The following CCDC63 variants were observed in gnomAD, a reference collection of about 807,000 sequenced individuals.
CCDC63 encodes coiled-coil domain-containing protein 63.
A neutral mutation model predicts 63.6 loss-of-function variants in CCDC63; 54 were observed. The ratio of observed to expected loss-of-function variants is 0.85; its 90% CI spans 0.68 to 1.07. The LOEUF (loss-of-function observed/expected upper bound fraction) is 1.07, where lower values mean the gene tolerates loss of function less well. Ranked by LOEUF, CCDC63 falls within the 50% of genes least tolerant of loss-of-function variation. The pLI, the probability that CCDC63 is intolerant of heterozygous loss-of-function variation, is 0.00. For missense variants in CCDC63, 637 were observed against 689.6 expected, an observed-to-expected ratio of 0.92 and a Z score of 0.86; for synonymous variants, 253 against 266.1, an observed-to-expected ratio of 0.95 and a Z score of 0.48.
At chr12:110,848,794 A>T (rs2136634252) in intron 1 of CCDC63, among the ~76,000 whole-genome samples, 1 of 152,324 alleles carries the variant, frequency 6.6e-6, no homozygotes, top group Non-Finnish European at 1.5e-5. Context: ...AAGGTCAGAT[A>T]TACCCAGTTC....
At chr12:110,899,363 G>C (rs563095666) in intron 10 of CCDC63, among the ~76,000 whole-genome samples, 1 of 152,272 alleles carries the variant, frequency 6.6e-6, no homozygotes, top group Non-Finnish European at 1.5e-5. Flanking sequence ...CTGTTGTCCA[G>C]GCTGGAGTGC....
At position 110,889,390 on chromosome 12, in the gene CCDC63, C is replaced by T. The variant is rs1285870360; in HGVS notation, c.1075-3686C>T. Among the ~76,000 whole-genome samples the T allele has an allele frequency of 2.6e-5, 4 of 152,132 alleles. No individual in the cohort carries two copies. The highest frequency in any genetic ancestry group is 1.9e-4 in the East Asian group (1 of 5,196). ...TGCAGTGTGGGTAAAAAGATGAAGT[C>T]GCACAGCGTAAGACGGGTTTTGGAG... On this transcript the variant is annotated intron_variant, in intron 8 of 11. Transcript: ENST00000308208. This position sits in a 1 kb window ranked among gnomAD's most constrained non-coding sequence, Gnocchi z 4.1.
chr12:110,893,324 G>A (rs549559622), intron 9 of CCDC63, among the ~76,000 whole-genome samples, 174 bp downstream of exon 9: 3 of 152,314 alleles, frequency 2.0e-5, no homozygotes, highest in East Asian at 1.9e-4. Flanking sequence ...ATGTCCTGAC[G>A]TTTTGTCCCG....
chr12:110,869,158 C>A (rs567192180), intron 4 of CCDC63, among the ~76,000 whole-genome samples: 5 of 152,294 alleles, frequency 3.3e-5, no homozygotes, highest in African/African-American at 9.6e-5. Flanking sequence ...TGCACGGGGC[C>A]CCTGATTCCC....
chr12:110,893,455 C>T (rs1446244958), intron 9 of CCDC63, among the ~76,000 whole-genome samples: 1 of 152,192 alleles, frequency 6.6e-6, no homozygotes, highest in Non-Finnish European at 1.5e-5. Flanking sequence ...CCCTGATGGG[C>T]TCCTTCCACA....
chr12:110,877,706 TTC>T (rs368089458), intron 5 of CCDC63, among the ~76,000 whole-genome samples: 27,041 of 145,136 alleles, frequency 0.19, 2,333 homozygotes, highest in African/African-American at 0.22. Context: ...CTTTCTTTCT[TTC>T]TTTTTTTTTT....
intron 8 of CCDC63, among the ~76,000 whole-genome samples, chr12:110,888,064 TTCC>T (rs1347409653): frequency 1.3e-5 from 2 of 152,132 alleles, no homozygotes; most frequent in Non-Finnish European, 2.9e-5. Context: ...GGAATCCGAG[TTCC>T]TACAAACGGA....
At chr12:110,900,257 G>A (rs965955369) in intron 10 of CCDC63, among the ~76,000 whole-genome samples, 5 of 151,058 alleles carry the variant, frequency 3.3e-5, no homozygotes, top group South Asian at 2.1e-4. Flanking sequence ...AAACTACAGC[G>A]AATCTTATCC....
intron 8 of CCDC63, among the ~76,000 whole-genome samples, chr12:110,885,667 T>C (rs1213572712): frequency 1.3e-5 from 2 of 152,146 alleles, no homozygotes; most frequent in Non-Finnish European, 2.9e-5. Flanking sequence ...TCCTGCTCAT[T>C]AGTCCTGACC....
At chr12:110,865,525 G>A (rs951221344) in intron 4 of CCDC63, among the ~76,000 whole-genome samples, 1 of 146,982 alleles carries the variant, frequency 6.8e-6, no homozygotes, top group Non-Finnish European at 1.5e-5. Flanking sequence ...AAAAAAAATT[G>A]TGAGATTTCA....
intron 8 of CCDC63, among the ~76,000 whole-genome samples, chr12:110,886,612 G>T (rs891072132): frequency 3.3e-5 from 5 of 152,088 alleles, no homozygotes; most frequent in African/African-American, 1.2e-4. Context: ...AATTAGGGAC[G>T]GGCCCAGGGG....
chr12:110,867,112 C>G lies in CCDC63; in HGVS notation c.370-6730C>G, dbSNP rs1362798120. ...CTCACCTCCCAGACGGGGCGGCTGG[C>G]CGGGCAGGGGGGCTGACCCCCCCCA... On this transcript the variant is annotated intron_variant, in intron 4 of 11. Transcript: ENST00000308208. Among the ~76,000 whole-genome samples, 10 of 139,676 alleles carry G rather than the reference C, an allele frequency of 7.2e-5. No individual in the cohort carries two copies. In the South Asian group the frequency reaches 2.3e-3, roughly 32 times the overall value. 91.6% of individuals were successfully genotyped at this position (139,676 alleles called of 152,430 possible). A position where few individuals can be genotyped will look rare whatever the true frequency, so the allele number is the denominator to read the frequency against.
intron 5 of CCDC63, among the ~76,000 whole-genome samples, chr12:110,878,885 A>G (rs1482693718): frequency 6.6e-6 from 1 of 152,160 alleles, no homozygotes; most frequent in Non-Finnish European, 1.5e-5. Context: ...ATCGCCTTTA[A>G]AAAACAACTT....
At chr12:110,869,156 G>T (rs955785915) in intron 4 of CCDC63, among the ~76,000 whole-genome samples, 1 of 152,158 alleles carries the variant, frequency 6.6e-6, no homozygotes, top group African/African-American at 2.4e-5. Flanking sequence ...TCTGCACGGG[G>T]CCCCTGATTC....
chr12:110,875,056 C>T (rs1028338810), intron 5 of CCDC63, among the ~76,000 whole-genome samples: 3 of 152,160 alleles, frequency 2.0e-5, no homozygotes, highest in African/African-American at 4.8e-5. Flanking sequence ...TTAGCTTCCC[C>T]CAGACTTTGA....
Position 110,853,431 on chromosome 12 carries a change from C to T in CCDC63, c.36C>T (p.Ser12=), listed in dbSNP as rs746875815. The change falls in exon 3 of 12, where the codon TCC becomes TCT. Residue 12 remains serine, a synonymous_variant. Transcript: ENST00000308208. Reference sequence around the variant, plus strand: ...TGAAGAAGAACAGGAGAAAAGACTCCGACACTCCCCAGGAACCTTCGGAGA... The same window carrying T: ...TGAAGAAGAACAGGAGAAAAGACTCTGACACTCCCCAGGAACCTTCGGAGA... ...SVLKKNRRKD[S]DTPQEPSEKA... 141 of 1,612,500 alleles carry T rather than the reference C, an allele frequency of 8.7e-5. 1 individual carries two copies. The highest frequency in any genetic ancestry group is 2.5e-4 in the East Asian group (11 of 44,878).
At chr12:110,845,105 A>T (rs906071752), upstream of CCDC63, among the ~76,000 whole-genome samples, 11 of 152,204 alleles carry the variant, frequency 7.2e-5, no homozygotes, top group Admixed American at 3.9e-4. Flanking sequence ...TGTTCTAATT[A>T]AAAAAGCCTG....
intron 1 of CCDC63, among the ~76,000 whole-genome samples, chr12:110,849,816 T>C (rs2070684130): frequency 1.3e-5 from 2 of 152,038 alleles, no homozygotes; most frequent in Non-Finnish European, 2.9e-5. Context: ...TCACTTTTTG[T>C]CCCAAAGGAA....
chr12:110,902,944 A>G (rs2071508846), intron 10 of CCDC63, among the ~76,000 whole-genome samples: 1 of 150,284 alleles, frequency 6.7e-6, no homozygotes, highest in South Asian at 2.1e-4. Context: ...GTGCAGTGAT[A>G]CAATCTTGGC....
Sources: allele counts gnomAD v4.1 joint callset (sites outside exome capture counted in the v4.1 genomes callset), GRCh38; gene constraint gnomAD v4.1.1; non-coding constraint Gnocchi (gnomAD v3.1); transcripts MANE v1.5; gene names NCBI Gene and HGNC (gene_info 2026-07-23, HGNC 2026-07-21).